Variants in ROBO1 observed in about 807,000 individuals in gnomAD.
The protein encoded by ROBO1 is roundabout homolog 1.
ROBO1 carries 149 observed loss-of-function variants against 195.9 expected under a neutral mutation model. The observed-to-expected ratio is 0.76, with a 90% CI of 0.67 to 0.87. ROBO1 has a LOEUF of 0.87. Among genes scored for constraint, ROBO1 ranks in the 40% least tolerant of loss-of-function variants. The probability of loss-of-function intolerance (pLI) is 0.00; values close to 1 mark genes in which losing one functional copy is unlikely to be tolerated. For synonymous variants in ROBO1, 816 were observed against 733.2 expected (o/e 1.11, Z -1.82); for missense variants, 1,933 against 2,068.3 (o/e 0.93, Z 1.27).
intron 4 of ROBO1, among the ~76,000 whole-genome samples, chr3:78,878,784 T>A (rs927658629): frequency 3.3e-5 from 5 of 151,932 alleles, no homozygotes; most frequent in African/African-American, 1.2e-4. Flanking sequence ...CCACAAACAA[T>A]GCAATAGGAA....
chr3:79,312,335 C>G (rs2033525462), intron 2 of ROBO1, among the ~76,000 whole-genome samples: 1 of 152,152 alleles, frequency 6.6e-6, no homozygotes, highest in East Asian at 1.9e-4. Context: ...GTCTGTTTTA[C>G]TTACTTCAAA....
Position 79,706,000 on chromosome 3 carries a change from A to G in ROBO1, c.-51+61752T>C, listed in dbSNP as rs375476876. Among the ~76,000 whole-genome samples the G allele has an allele frequency of 3.9e-5, 6 of 152,206 alleles. No homozygotes were observed. In the East Asian group the frequency reaches 7.7e-4, roughly 20 times the overall value. ...GGCATATAGAATAATTGGCTTTTGT[A>G]TATTAGCCTTGTGTCCTGAAACCTG... On this transcript the variant is annotated intron_variant, in intron 1 of 30. Coordinates refer to ENST00000464233, the MANE Select transcript of ROBO1 (RefSeq NM_002941.4).
At chr3:79,225,401 A>T (rs956414648) in intron 2 of ROBO1, among the ~76,000 whole-genome samples, 3 of 152,206 alleles carry the variant, frequency 2.0e-5, no homozygotes, top group Non-Finnish European at 2.9e-5. Flanking sequence ...ATATGCTAGC[A>T]TAGAAACTAT....
At chr3:78,903,040 G>C (rs2037679592) in intron 4 of ROBO1, among the ~76,000 whole-genome samples, 1 of 152,036 alleles carries the variant, frequency 6.6e-6, no homozygotes. Flanking sequence ...ACAGAGTTTT[G>C]AAAACTACTC....
At chr3:79,386,148 G>A (rs903725964) in intron 2 of ROBO1, among the ~76,000 whole-genome samples, 1 of 151,966 alleles carries the variant, frequency 6.6e-6, no homozygotes, top group Non-Finnish European at 1.5e-5. Flanking sequence ...CTACCTGAGT[G>A]CATTTTAATT....
chr3:79,067,494 T>G (rs979718707), intron 3 of ROBO1, among the ~76,000 whole-genome samples: 1 of 152,014 alleles, frequency 6.6e-6, no homozygotes, highest in East Asian at 1.9e-4. Flanking sequence ...ATTCTGAGTC[T>G]GTCAATTACA....
chr3:79,055,301 C>T (rs1247062656), intron 3 of ROBO1, among the ~76,000 whole-genome samples: 1 of 152,086 alleles, frequency 6.6e-6, no homozygotes, highest in Non-Finnish European at 1.5e-5. Flanking sequence ...AGACACGTGG[C>T]CCTGGGATGG....
intron 3 of ROBO1, among the ~76,000 whole-genome samples, chr3:78,947,770 C>T (rs918556634): frequency 2.6e-5 from 4 of 151,734 alleles, no homozygotes; most frequent in East Asian, 1.9e-4. Context: ...ACTGATAGAC[C>T]GCTAGCAAGA....
chr3:79,278,926 T>A (rs138154755), intron 2 of ROBO1, among the ~76,000 whole-genome samples: 5 of 152,276 alleles, frequency 3.3e-5, no homozygotes, highest in Admixed American at 6.5e-5. Context: ...AGAATGTATT[T>A]GCAAATGACT....
intron 3 of ROBO1, among the ~76,000 whole-genome samples, chr3:79,032,895 C>A (rs1310955611): frequency 6.6e-6 from 1 of 151,988 alleles, no homozygotes; most frequent in Non-Finnish European, 1.5e-5. Flanking sequence ...GTACACAATG[C>A]TCTATTGCCC....
At chr3:78,908,069 G>A (rs1033871658) in intron 4 of ROBO1, among the ~76,000 whole-genome samples, 7 of 151,852 alleles carry the variant, frequency 4.6e-5, no homozygotes, top group African/African-American at 1.7e-4. Context: ...ACATTGTTAT[G>A]TATTTCTCTA....
chr3:79,331,064 T>C (rs1250866413), intron 2 of ROBO1, among the ~76,000 whole-genome samples: 3 of 152,202 alleles, frequency 2.0e-5, no homozygotes, highest in African/African-American at 7.2e-5. Flanking sequence ...TCTAGTAATA[T>C]TAAAAATAAA....
chr3:79,598,931 T>C (rs1275709435), intron 1 of ROBO1, among the ~76,000 whole-genome samples: 1 of 152,054 alleles, frequency 6.6e-6, no homozygotes, highest in Non-Finnish European at 1.5e-5. Flanking sequence ...TGTGACAACT[T>C]CACTGCTGGC....
intron 2 of ROBO1, among the ~76,000 whole-genome samples, chr3:79,520,759 T>G (rs1941173931): frequency 6.6e-6 from 1 of 152,068 alleles, no homozygotes; most frequent in South Asian, 2.1e-4. Flanking sequence ...TTGATATTTG[T>G]ATCCAACATA....
intron 3 of ROBO1, among the ~76,000 whole-genome samples, chr3:79,000,076 C>T (rs534996765): frequency 5.3e-4 from 81 of 152,092 alleles, no homozygotes; most frequent in African/African-American, 1.8e-3. Flanking sequence ...TGAAGACCTA[C>T]CTGAGACTGG....
At chr3:79,335,564 C>G (rs941995948) in intron 2 of ROBO1, among the ~76,000 whole-genome samples, 2 of 152,180 alleles carry the variant, frequency 1.3e-5, no homozygotes, top group Non-Finnish European at 2.9e-5. Context: ...ATATTTGCTT[C>G]CCCTTCTGCC....
At chr3:79,646,146 C>A (rs1281544268) in intron 1 of ROBO1, among the ~76,000 whole-genome samples, 1 of 151,830 alleles carries the variant, frequency 6.6e-6, no homozygotes, top group Non-Finnish European at 1.5e-5. Context: ...AAGAGGCAAC[C>A]AACAGAATGA....
At chr3:79,533,891 G>T (rs1941752657) in intron 2 of ROBO1, among the ~76,000 whole-genome samples, 1 of 152,036 alleles carries the variant, frequency 6.6e-6, no homozygotes. Flanking sequence ...AAATTGTGAA[G>T]ATATTTCCTT....
intron 2 of ROBO1, among the ~76,000 whole-genome samples, chr3:79,529,593 A>G (rs1941568536): frequency 6.6e-6 from 1 of 152,246 alleles, no homozygotes; most frequent in Non-Finnish European, 1.5e-5. Flanking sequence ...ACACTGTGAC[A>G]GCAGATCTGA....
Sources: allele counts gnomAD v4.1 joint callset (sites outside exome capture counted in the v4.1 genomes callset), GRCh38; gene constraint gnomAD v4.1.1; transcripts MANE v1.5; gene names NCBI Gene and HGNC (gene_info 2026-07-23, HGNC 2026-07-21).